TBCA: variants seen among roughly 807,000 people sequenced by gnomAD.
The protein encoded by TBCA is tubulin folding cofactor A, also known as tubulin-specific chaperone A.
Under a neutral mutation model 15.8 loss-of-function variants are expected in TBCA, and 6 were observed. The observed-to-expected ratio is 0.38, with a 90% CI of 0.21 to 0.75. TBCA has a LOEUF of 0.75. Among genes scored for constraint, TBCA ranks in the 30% least tolerant of loss-of-function variants. TBCA has a pLI of 0.46. For synonymous variants in TBCA, 32 were observed against 42.3 expected, an observed-to-expected ratio of 0.76 and a Z score of 0.94; for missense variants, 90 against 131.2, an observed-to-expected ratio of 0.69 and a Z score of 1.53.
At chr5:77,715,200 T>C in intron 1 of TBCA, 1 of 694,844 alleles carries the variant, frequency 1.4e-6, no homozygotes, top group Non-Finnish European at 2.6e-6. Flanking sequence ...CATAAAAATG[T>C]AAAAAGTTGA....
intron 1 of TBCA, among the ~76,000 whole-genome samples, chr5:77,718,084 C>T (rs187355030): frequency 2.0e-5 from 3 of 152,228 alleles, no homozygotes; most frequent in Non-Finnish European, 4.4e-5. Context: ...GAGCTGAGAT[C>T]GCACAACTGC....
In TBCA at chr5:77,762,453, A is replaced by T. The variant is rs574473813; in HGVS notation, c.53+13752T>A. On this transcript the variant is annotated intron_variant, in intron 1 of 3. Transcript: ENST00000380377. Reference sequence around the variant, plus strand: ...TAGTAGTGCTGAGGACAAGCAGAGAAGATGAGGGGTATAATCTGCCAGGTT... The same window carrying T: ...TAGTAGTGCTGAGGACAAGCAGAGATGATGAGGGGTATAATCTGCCAGGTT... 1.2e-3 allele frequency among the ~76,000 whole-genome samples: 190 copies of T among 152,310 alleles called. 1 individual carries two copies. The highest frequency in any genetic ancestry group is 4.4e-3 in the African/African-American group (181 of 41,586).
intron 2 of TBCA, among the ~76,000 whole-genome samples, chr5:77,707,588 C>A (rs1746178416): frequency 6.6e-6 from 1 of 152,054 alleles, no homozygotes; most frequent in African/African-American, 2.4e-5. Flanking sequence ...GCAGATGTAA[C>A]CTCATTTCTT....
At chr5:77,749,969 T>C (rs1737387807) in intron 1 of TBCA, among the ~76,000 whole-genome samples, 1 of 152,268 alleles carries the variant, frequency 6.6e-6, no homozygotes, top group South Asian at 2.1e-4. Flanking sequence ...TTTGAAGATA[T>C]GTATGTAAAT....
chr5:77,728,219 C>CT (rs1746674997), intron 1 of TBCA, among the ~76,000 whole-genome samples: 1 of 152,090 alleles, frequency 6.6e-6, no homozygotes, highest in Non-Finnish European at 1.5e-5. Flanking sequence ...GCAGGCACCT[C>CT]TACCTAAATG....
intron 2 of TBCA, among the ~76,000 whole-genome samples, chr5:77,699,050 A>AAAAAAAAAAAG (rs1745943049): frequency 6.9e-6 from 1 of 144,462 alleles, no homozygotes; most frequent in Non-Finnish European, 1.5e-5. Flanking sequence ...AAAAAAAAAA[A>AAAAAAAAAAAG]AAAAAAAAGA....
At chr5:77,717,306 T>C (rs1403500369) in intron 1 of TBCA, among the ~76,000 whole-genome samples, 1 of 152,256 alleles carries the variant, frequency 6.6e-6, no homozygotes, top group Non-Finnish European at 1.5e-5. Flanking sequence ...AAGATTGTTC[T>C]GTAAGTACAG....
At chr5:77,728,020 C>A (rs909238930) in intron 1 of TBCA, among the ~76,000 whole-genome samples, 1 of 151,988 alleles carries the variant, frequency 6.6e-6, no homozygotes, top group Non-Finnish European at 1.5e-5. Flanking sequence ...TTCAGGCTTA[C>A]AATTTTTTAA....
Position 77,730,847 on chromosome 5 carries a change from G to T in TBCA, c.54-22500C>A, listed in dbSNP as rs536245394. Among the ~76,000 whole-genome samples, 3 of 152,262 alleles carry T rather than the reference G, an allele frequency of 2.0e-5. No individual in the cohort carries two copies. The East Asian group carries it at 5.8e-4, about 29-fold the overall frequency. ...GTCTAGTCTCACTAAATAGGTTATA[G>T]AATAGGTTATAGAAGTTTTTCTATG... is the stretch of plus-strand genomic sequence containing the variant. On this transcript the variant is annotated intron_variant, in intron 1 of 3. Transcript: ENST00000380377.
chr5:77,716,880 C>T (rs1037515954), intron 1 of TBCA, among the ~76,000 whole-genome samples: 1 of 152,214 alleles, frequency 6.6e-6, no homozygotes, highest in Non-Finnish European at 1.5e-5. Context: ...AAACCAATCA[C>T]AATGATTTTA....
chr5:77,773,979 A>C (rs1454476058), intron 1 of TBCA, among the ~76,000 whole-genome samples: 1 of 152,176 alleles, frequency 6.6e-6, no homozygotes, highest in Non-Finnish European at 1.5e-5. Flanking sequence ...CTAAAAACAA[A>C]ATTCTAAGCT....
At position 77,776,335 on chromosome 5, in the gene TBCA, T is replaced by G. The variant is rs1748031623; in HGVS notation, c.-78A>C. On this transcript the variant is annotated 5_prime_UTR_variant, in exon 1 of 4. Transcript: ENST00000380377. ...GGGCGACGCGCAGAGGCTGCGGCTA[T>G]TTAGGCGTGGTCGCCGGCGCGCATG... 5 of 1,520,064 alleles carry G rather than the reference T, an allele frequency of 3.3e-6. No individual in the cohort carries two copies. Among genetic ancestry groups the G allele is most frequent in the African/African-American group, 2.8e-5 (2 of 72,180 alleles). 94.2% of individuals were successfully genotyped at this position (1,520,064 alleles called of 1,614,324 possible). A position where few individuals can be genotyped will look rare whatever the true frequency, so the allele number is the denominator to read the frequency against.
Position 77,700,183 on chromosome 5 carries a change from C to T in TBCA, c.160-6831G>A, listed in dbSNP as rs572005662. On this transcript the variant is annotated intron_variant, in intron 2 of 3. Transcript: ENST00000380377. ...TCTCCTCACTGCACTCCAGCCTGGGCGACCAAGCAAGATTCTGTCTCAAAA... is the reference window on the plus strand; with the variant it reads ...TCTCCTCACTGCACTCCAGCCTGGGTGACCAAGCAAGATTCTGTCTCAAAA... Among the ~76,000 whole-genome samples, 8 of 152,124 alleles carry T rather than the reference C, an allele frequency of 5.3e-5. No homozygotes were observed. In the East Asian group the frequency reaches 7.7e-4, roughly 15 times the overall value.
chr5:77,706,249 GC>G (rs1746147034), intron 2 of TBCA, among the ~76,000 whole-genome samples: 1 of 152,164 alleles, frequency 6.6e-6, no homozygotes, highest in African/African-American at 2.4e-5. Context: ...GTCTGTACAA[GC>G]TGGTTCACAT....
At chr5:77,709,836 A>G (rs867426129) in intron 1 of TBCA, among the ~76,000 whole-genome samples, 1 of 152,230 alleles carries the variant, frequency 6.6e-6, no homozygotes, top group African/African-American at 2.4e-5. Context: ...TAAAAAACAT[A>G]AAGTGCTGAT....
At chr5:77,712,623 A>G (rs1746306436) in intron 1 of TBCA, among the ~76,000 whole-genome samples, 1 of 152,214 alleles carries the variant, frequency 6.6e-6, no homozygotes, top group Admixed American at 6.5e-5. Flanking sequence ...CAGATTCAAA[A>G]TACACATAAT....
intron 1 of TBCA, among the ~76,000 whole-genome samples, chr5:77,772,382 G>A (rs759463019): frequency 4.1e-4 from 63 of 151,922 alleles, no homozygotes; most frequent in Non-Finnish European, 1.0e-4. Flanking sequence ...CCTAGATGAC[G>A]GGTCGACAGG....
chr5:77,700,257 G>C (rs571277604), intron 2 of TBCA, among the ~76,000 whole-genome samples: 8 of 152,114 alleles, frequency 5.3e-5, no homozygotes, highest in Non-Finnish European at 7.4e-5. Context: ...ACACTGTTAA[G>C]AGGATAAGAA....
At chr5:77,755,928 C>T (rs914738703) in intron 1 of TBCA, among the ~76,000 whole-genome samples, 10 of 151,920 alleles carry the variant, frequency 6.6e-5, no homozygotes, top group Admixed American at 2.6e-4. Flanking sequence ...AGCTCGAACC[C>T]GGGAGGCGGA....
Sources: allele counts gnomAD v4.1 joint callset (sites outside exome capture counted in the v4.1 genomes callset), GRCh38; gene constraint gnomAD v4.1.1; transcripts MANE v1.5; gene names NCBI Gene and HGNC (gene_info 2026-07-23, HGNC 2026-07-21).